Variants in PCBP3 observed in about 807,000 individuals in gnomAD.
The protein encoded by PCBP3 is poly(rC)-binding protein 3.
PCBP3 carries 25 observed loss-of-function variants against 52.7 expected under a neutral mutation model. The observed-to-expected ratio is 0.47, with a 90% CI of 0.35 to 0.66. The LOEUF is 0.66. Ranked by LOEUF, PCBP3 falls within the 30% of genes least tolerant of loss-of-function variation. The pLI is 0.01. For missense variants in PCBP3, 391 were observed against 490.3 expected (o/e 0.80, Z 1.91); for synonymous variants, 162 against 183.0 (o/e 0.89, Z 0.93).
At chr21:45,753,213 T>C (rs1430012025) in intron 3 of PCBP3, among the ~76,000 whole-genome samples, 1 of 151,078 alleles carries the variant, frequency 6.6e-6, no homozygotes, top group East Asian at 1.9e-4. Context: ...AATATGCTGG[T>C]ATGATTGGAT....
chr21:45,812,410 T>G (rs552354857), intron 4 of PCBP3, among the ~76,000 whole-genome samples: 1 of 152,286 alleles, frequency 6.6e-6, no homozygotes, highest in African/African-American at 2.4e-5. Flanking sequence ...TAACATTGTG[T>G]TGTTGTCGTT....
chr21:45,661,104 G>C (rs543401426), intron 1 of PCBP3, among the ~76,000 whole-genome samples: 1 of 151,950 alleles, frequency 6.6e-6, no homozygotes, highest in East Asian at 1.9e-4. Flanking sequence ...GTAATTACTG[G>C]CTTTTACAGT....
intron 2 of PCBP3, among the ~76,000 whole-genome samples, chr21:45,689,567 TG>T (rs1457182491): frequency 1.3e-5 from 2 of 152,038 alleles, no homozygotes. Flanking sequence ...AATATTATAC[TG>T]GAAGTCCTAG....
chr21:45,656,069 G>A lies in PCBP3; in HGVS notation c.-279+12201G>A, dbSNP rs1413024522. ...GGGAGTATAAATTAGTTCAACCATTGTGGAAGACAGTGTGGCGATTTCTCA... is the reference window on the plus strand; with the variant it reads ...GGGAGTATAAATTAGTTCAACCATTATGGAAGACAGTGTGGCGATTTCTCA... On this transcript the variant is annotated intron_variant, in intron 1 of 17. Transcript: ENST00000681687. The surrounding 1 kb of genome is among the most constrained non-coding windows in gnomAD (Gnocchi z 4.3). 6.6e-6 allele frequency among the ~76,000 whole-genome samples: 1 copy of A among 152,232 alleles called. No homozygotes were observed. Among genetic ancestry groups the A allele is most frequent in the Admixed American group, 6.5e-5 (1 of 15,286 alleles).
At position 45,678,319 on chromosome 21, in the gene PCBP3, AAT is replaced by A. The variant is rs1309315005; in HGVS notation, c.-200+9369_-200+9370del. Among the ~76,000 whole-genome samples, 120 of 149,690 alleles carry A rather than the reference AAT, an allele frequency of 8.0e-4. 1 individual carries two copies. Among genetic ancestry groups the A allele is most frequent in the African/African-American group, 2.8e-3 (112 of 40,462 alleles). ...AGACTCCATCTCAAAAAAAAAAAAA[AAT>A]AATAATAATAAAATAAATAAATACA... On this transcript the variant is annotated intron_variant, in intron 2 of 17. Transcript: ENST00000681687.
At position 45,800,155 on chromosome 21, in the gene PCBP3, G is replaced by T. The variant is rs1487642876; in HGVS notation, c.-126+44703G>T. Among the ~76,000 whole-genome samples, 1 of 152,194 alleles carries T rather than the reference G, an allele frequency of 6.6e-6. No homozygotes were observed. On this transcript the variant is annotated intron_variant, in intron 4 of 17. Transcript: ENST00000681687. The surrounding 1 kb of genome is among the most constrained non-coding windows in gnomAD (Gnocchi z 5.3). The stretch of plus-strand genomic sequence containing the variant: ...GAGGCTGCAGGAGCACAGAGTAATG[G>T]CTGCAGGTGGGGCCTTCCAGAGGCA...
Position 45,821,753 on chromosome 21 carries a change from C to G in PCBP3, c.-125-28208C>G, listed in dbSNP as rs546221096. Among the ~76,000 whole-genome samples the G allele has an allele frequency of 4.2e-4, 64 of 152,244 alleles. No homozygotes were observed. The highest frequency in any genetic ancestry group is 1.4e-3 in the African/African-American group (59 of 41,552). On this transcript the variant is annotated intron_variant, in intron 4 of 17. Transcript: ENST00000681687. This position sits in a 1 kb window ranked among gnomAD's most constrained non-coding sequence, Gnocchi z 4.4. ...TGGTGCTCTGTGGCTGTCATGCAGACTGGGGTTGGGGTTCTGTTCCCTCTA... is the reference window on the plus strand; with the variant it reads ...TGGTGCTCTGTGGCTGTCATGCAGAGTGGGGTTGGGGTTCTGTTCCCTCTA...
chr21:45,838,438 T>C (rs1357361502), intron 4 of PCBP3, among the ~76,000 whole-genome samples: 1 of 152,166 alleles, frequency 6.6e-6, no homozygotes, highest in Non-Finnish European at 1.5e-5. Flanking sequence ...AAGTAGTATT[T>C]AGAGACCACA....
rs543952015 is a variant in PCBP3, at chr21:45,724,090, G to C, written c.-199-11302G>C. On this transcript the variant is annotated intron_variant, in intron 2 of 17. Coordinates refer to ENST00000681687, the MANE Select transcript of PCBP3 (RefSeq NM_001384156.1). This position sits in a 1 kb window ranked among gnomAD's most constrained non-coding sequence, Gnocchi z 5.3. ...AGTTAATGAGACACTCTCTCCCCCA[G>C]ATCTGGAGAAATTCAGAGTCAAGGC... is the stretch of plus-strand genomic sequence containing the variant. Among the ~76,000 whole-genome samples, 3 of 152,314 alleles carry C rather than the reference G, an allele frequency of 2.0e-5. No homozygotes were observed. The East Asian group carries it at 5.8e-4, about 29-fold the overall frequency.
At position 45,805,321 on chromosome 21, in the gene PCBP3, G is replaced by T. The variant is rs575525656; in HGVS notation, c.-125-44640G>T. 4.8e-4 allele frequency among the ~76,000 whole-genome samples: 73 copies of T among 152,202 alleles called. No homozygotes were observed. The highest frequency in any genetic ancestry group is 2.3e-3 in the South Asian group (11 of 4,826). On this transcript the variant is annotated intron_variant, in intron 4 of 17. Coordinates refer to ENST00000681687, the MANE Select transcript of PCBP3 (RefSeq NM_001384156.1). This position sits in a 1 kb window ranked among gnomAD's most constrained non-coding sequence, Gnocchi z 4.6. ...TGAAAACCCCCCAGGTGGTGTCTGG[G>T]GGGGAAAGTAATTGGAAGATTATGG... is the stretch of plus-strand genomic sequence containing the variant.
chr21:45,750,900 A>ATG (rs2087422786), intron 3 of PCBP3: 1 of 151,710 alleles, frequency 6.6e-6, no homozygotes, highest in African/African-American at 2.4e-5. Context: ...GTGTGTGTAT[A>ATG]TATATATATG....
At position 45,821,674 on chromosome 21, in the gene PCBP3, C is replaced by T. The variant is rs573807193; in HGVS notation, c.-125-28287C>T. Among the ~76,000 whole-genome samples the T allele has an allele frequency of 2.6e-5, 4 of 152,190 alleles. No individual in the cohort carries two copies. Among genetic ancestry groups the T allele is most frequent in the Admixed American group, 1.3e-4 (2 of 15,290 alleles). On this transcript the variant is annotated intron_variant, in intron 4 of 17. Coordinates refer to ENST00000681687, the MANE Select transcript of PCBP3 (RefSeq NM_001384156.1). This position sits in a 1 kb window ranked among gnomAD's most constrained non-coding sequence, Gnocchi z 4.4. ...GTCCTCCCGTGTGATGCTGACTGCT[C>T]GTGACATGTTGCAGCCTGTCTCTGC...
In PCBP3 at chr21:45,850,871, G is replaced by A. The variant is rs1267816282; in HGVS notation, c.10+776G>A. 2.0e-5 allele frequency among the ~76,000 whole-genome samples: 3 copies of A among 152,250 alleles called. No individual in the cohort carries two copies. In the South Asian group the frequency reaches 6.2e-4, roughly 32 times the overall value. The stretch of plus-strand genomic sequence containing the variant: ...TGGAGAGCATAAGGCAATTATACTG[G>A]AAATTAATAGTAAAGGAATAGCTTA... On this transcript the variant is annotated intron_variant, in intron 5 of 17. Transcript: ENST00000681687.
chr21:45,726,289 C>G (rs190730545), intron 2 of PCBP3, among the ~76,000 whole-genome samples: 125 of 152,156 alleles, frequency 8.2e-4, no homozygotes, highest in African/African-American at 2.9e-3. Flanking sequence ...TGGGGGAGAG[C>G]AGGGGCAAGG....
At position 45,802,063 on chromosome 21, in the gene PCBP3, C is replaced by G. The variant is rs780264920; in HGVS notation, c.-126+46611C>G. Among the ~76,000 whole-genome samples, 39 of 152,224 alleles carry G rather than the reference C, an allele frequency of 2.6e-4. No homozygotes were observed. Among genetic ancestry groups the G allele is most frequent in the Non-Finnish European group, 4.6e-4 (31 of 68,042 alleles). ...CTTCCTTGAGGGCATCGTCATGATT[C>G]AGCAGTGACTTCTGGGCTGGGTGGT... On this transcript the variant is annotated intron_variant, in intron 4 of 17. Coordinates refer to ENST00000681687, the MANE Select transcript of PCBP3 (RefSeq NM_001384156.1). The surrounding 1 kb of genome is among the most constrained non-coding windows in gnomAD (Gnocchi z 5.1).
At chr21:45,743,784 A>G (rs1320922021) in intron 3 of PCBP3, among the ~76,000 whole-genome samples, 1 of 152,094 alleles carries the variant, frequency 6.6e-6, no homozygotes, top group African/African-American at 2.4e-5. Flanking sequence ...TCTAATTTTT[A>G]TATGATTTTG....
chr21:45,897,942 T>C (rs1261054262), intron 6 of PCBP3, among the ~76,000 whole-genome samples: 1 of 152,170 alleles, frequency 6.6e-6, no homozygotes, highest in East Asian at 1.9e-4. Flanking sequence ...TGCCAGTATC[T>C]GTGCGTGGCC....
chr21:45,834,630 C>T (rs1391320965), intron 4 of PCBP3, among the ~76,000 whole-genome samples: 1 of 152,228 alleles, frequency 6.6e-6, no homozygotes, highest in East Asian at 1.9e-4. Context: ...CCCAGCGCCT[C>T]AGAGGCAGCA....
chr21:45,840,771 T>A (rs1415958780), intron 4 of PCBP3, among the ~76,000 whole-genome samples: 1 of 152,172 alleles, frequency 6.6e-6, no homozygotes, highest in African/African-American at 2.4e-5. Context: ...TGTGCCACCA[T>A]GCCTGGCTAA....
Sources: gnomAD v4.1 joint callset for allele counts (sites outside exome capture counted in the v4.1 genomes callset) on GRCh38, gnomAD v4.1.1 for gene constraint, Gnocchi (gnomAD v3.1) non-coding constraint, MANE v1.5 for transcripts, NCBI Gene and HGNC (gene_info 2026-07-23, HGNC 2026-07-21) for gene names.